GSN: variants seen among roughly 807,000 people sequenced by gnomAD.
GSN encodes the protein actin-depolymerizing factor.
A neutral mutation model predicts 85.7 loss-of-function variants in GSN; 56 were observed. That is an observed-to-expected ratio of 0.65 (90% CI 0.53 to 0.82). The LOEUF (loss-of-function observed/expected upper bound fraction) is 0.82. GSN is among the 40% of genes least tolerant of loss of function. The pLI, the probability that GSN is intolerant of heterozygous loss-of-function variation, is 0.00. For missense variants in GSN, 857 were observed against 979.8 expected, an observed-to-expected ratio of 0.87 and a Z score of 1.67; for synonymous variants, 373 against 399.1, an observed-to-expected ratio of 0.93 and a Z score of 0.78.
intron 11 of GSN, among the ~76,000 whole-genome samples, chr9:121,323,370 C>CTTTTT (rs2062729674): frequency 1.7e-4 from 13 of 75,072 alleles, no homozygotes; most frequent in East Asian, 4.8e-4. Flanking sequence ...TTCCCATTAC[C>CTTTTT]GTTTTTTTTT....
chr9:121,309,549 G>A (rs942508660), intron 4 of GSN: 6 of 152,288 alleles, frequency 3.9e-5, no homozygotes, highest in African/African-American at 1.4e-4. Context: ...AAGCAGAAGG[G>A]TGGCATGGGC....
chr9:121,281,788 G>A, intron 2 of GSN: 2 of 471,200 alleles, frequency 4.2e-6, no homozygotes, highest in Middle Eastern at 6.5e-4. Flanking sequence ...GGCCGGGACT[G>A]GGCTCGGTGC....
At chr9:121,275,645 G>C (rs1010234424) in intron 1 of GSN, among the ~76,000 whole-genome samples, 6 of 151,974 alleles carry the variant, frequency 3.9e-5, no homozygotes, top group Non-Finnish European at 7.4e-5. Context: ...TGTTTCTCTT[G>C]GAAGGCAAGT....
intron 2 of GSN, among the ~76,000 whole-genome samples, chr9:121,301,625 C>CAAAAAAAAAAAAAA (rs753963979): frequency 1.8e-5 from 1 of 55,994 alleles, no homozygotes; most frequent in Non-Finnish European, 4.3e-5. Flanking sequence ...GACTCTGTCT[C>CAAAAAAAAAAAAAA]AAAAAAAAAA....
At chr9:121,203,840 A>G (rs541425314), upstream of GSN, among the ~76,000 whole-genome samples, 3 of 152,376 alleles carry the variant, frequency 2.0e-5, no homozygotes, top group South Asian at 6.2e-4. Flanking sequence ...ATATAATAAG[A>G]AATGGAAATG....
chr9:121,242,845 C>G (rs2054631544), intron 5 of GSN, among the ~76,000 whole-genome samples: 1 of 152,168 alleles, frequency 6.6e-6, no homozygotes, highest in African/African-American at 2.4e-5. Flanking sequence ...GGCATGTCAT[C>G]TTTTCCTTAA....
chr9:121,311,423 T>C (rs191105251), intron 5 of GSN: 127 of 167,522 alleles, frequency 7.6e-4, no homozygotes, highest in Non-Finnish European at 1.3e-3. Flanking sequence ...ACCTGTGATA[T>C]AATGTCCGTG....
intron 2 of GSN, among the ~76,000 whole-genome samples, chr9:121,287,152 A>T (rs2058204602): frequency 6.6e-6 from 1 of 152,070 alleles, no homozygotes; most frequent in Non-Finnish European, 1.5e-5. Flanking sequence ...GATCAGGGAA[A>T]GCTTTGTTTG....
intron 5 of GSN, among the ~76,000 whole-genome samples, chr9:121,234,920 A>G (rs2054463750): frequency 6.6e-6 from 1 of 152,218 alleles, no homozygotes; most frequent in African/African-American, 2.4e-5. Context: ...GCTGTTCCAG[A>G]TGGAGTTAGT....
Position 121,299,587 on chromosome 9 carries a change from G to C in GSN, c.-9-2376G>C, listed in dbSNP as rs940176750. On this transcript the variant is annotated intron_variant, in intron 2 of 17. Coordinates refer to ENST00000432226, the MANE Select transcript of GSN (RefSeq NM_198252.3). This position sits in a 1 kb window ranked among gnomAD's most constrained non-coding sequence, Gnocchi z 4.2. ...GGCTCAGCTGGGCTCGCCGCCGCTC[G>C]TGCCTGCGCCCATTTAGTGTGCACA... The C allele has an allele frequency of 1.3e-4, 77 of 589,430 alleles. No homozygotes were observed. The highest frequency in any genetic ancestry group is 1.5e-4 in the Non-Finnish European group (69 of 468,116). 36.5% of individuals were successfully genotyped at this position (589,430 alleles called of 1,614,324 possible).
intron 10 of GSN, among the ~76,000 whole-genome samples, chr9:121,320,921 C>T (rs1192437783): frequency 6.6e-6 from 1 of 152,134 alleles, no homozygotes; most frequent in African/African-American, 2.4e-5. Flanking sequence ...TCTGAGGTCT[C>T]ATGGCCCGGA....
chr9:121,222,388 G>A (rs1333128314), intron 4 of GSN: 1 of 152,032 alleles, frequency 6.6e-6, no homozygotes, highest in African/African-American at 2.4e-5. Flanking sequence ...TATTTTACTC[G>A]ATTATTAATG....
intron 5 of GSN, among the ~76,000 whole-genome samples, chr9:121,243,211 T>G (rs1480594915): frequency 6.6e-6 from 1 of 152,200 alleles, no homozygotes; most frequent in Non-Finnish European, 1.5e-5. Context: ...ACATGGTTCC[T>G]TCCTTCATCT....
chr9:121,230,912 G>C (rs761357796), intron 4 of GSN, among the ~76,000 whole-genome samples: 1 of 152,126 alleles, frequency 6.6e-6, no homozygotes. Flanking sequence ...TCCCACTCTC[G>C]TGAACTTCAT....
At chr9:121,223,017 A>C (rs1364579039) in intron 4 of GSN, 1 of 152,130 alleles carries the variant, frequency 6.6e-6, no homozygotes, top group Non-Finnish European at 1.5e-5. Flanking sequence ...GCGCATGTGC[A>C]GTGTGTTTAC....
intron 12 of GSN, among the ~76,000 whole-genome samples, chr9:121,326,026 C>A (rs2133865157): frequency 6.6e-6 from 1 of 151,360 alleles, no homozygotes; most frequent in East Asian, 1.9e-4. Context: ...GGGTGTACAT[C>A]TTCCCTGCCT....
At chr9:121,224,721 T>C (rs893750991) in intron 4 of GSN, among the ~76,000 whole-genome samples, 1 of 133,220 alleles carries the variant, frequency 7.5e-6, no homozygotes, top group Non-Finnish European at 1.6e-5. Flanking sequence ...TCAATAGAGA[T>C]ATGATTAGCT....
intron 6 of GSN, among the ~76,000 whole-genome samples, chr9:121,251,026 ACATTG>A (rs2054819406): frequency 6.6e-6 from 1 of 151,384 alleles, no homozygotes; most frequent in African/African-American, 2.4e-5. Flanking sequence ...GGGTTTCGCC[ACATTG>A]TCCAGACTGG....
chr9:121,306,397 C>G (rs1464309279), intron 4 of GSN, among the ~76,000 whole-genome samples: 1 of 152,196 alleles, frequency 6.6e-6, no homozygotes, highest in Non-Finnish European at 1.5e-5. Context: ...TCTTTTCCCC[C>G]TTCTTCTGAC....
Sources: gnomAD v4.1 joint callset for allele counts (sites outside exome capture counted in the v4.1 genomes callset) on GRCh38, gnomAD v4.1.1 for gene constraint, Gnocchi (gnomAD v3.1) non-coding constraint, MANE v1.5 for transcripts, NCBI Gene and HGNC (gene_info 2026-07-23, HGNC 2026-07-21) for gene names.